Variants in SNPH observed in about 807,000 individuals in gnomAD.
SNPH encodes the protein syntaphilin.
In SNPH, 10 loss-of-function variants were observed where a neutral mutation model predicts 36.8. The observed-to-expected ratio is 0.27, with a 90% CI of 0.17 to 0.46. SNPH has a LOEUF of 0.46. Among genes scored for constraint, SNPH ranks in the 20% least tolerant of loss-of-function variants. The probability of loss-of-function intolerance (pLI) is 1.00; values close to 1 mark genes in which losing one functional copy is unlikely to be tolerated. For synonymous variants in SNPH, 281 were observed against 312.2 expected (o/e 0.90, Z 1.05); for missense variants, 622 against 744.0 (o/e 0.84, Z 1.91).
intron 2 of SNPH, among the ~76,000 whole-genome samples, chr20:1,272,359 AGTT>A (rs1229340210): frequency 6.6e-6 from 1 of 152,246 alleles, no homozygotes; most frequent in Non-Finnish European, 1.5e-5. Flanking sequence ...TGTCAAATGT[AGTT>A]GTCTACAAAG....
intron 2 of SNPH, among the ~76,000 whole-genome samples, chr20:1,287,974 A>G (rs961921811): frequency 1.3e-5 from 2 of 152,120 alleles, no homozygotes; most frequent in African/African-American, 4.8e-5. Context: ...ACATTTCTCC[A>G]TGGGTGTCTG....
chr20:1,300,249 T>C (rs756417315), intron 5 of SNPH, among the ~76,000 whole-genome samples: 3 of 152,180 alleles, frequency 2.0e-5, no homozygotes, highest in African/African-American at 7.2e-5. Context: ...GCTATAAGGA[T>C]TGATGGCGTT....
At position 1,306,168 on chromosome 20, in the gene SNPH, C is replaced by A. The variant is rs2088577242; in HGVS notation, c.*114C>A. On this transcript the variant is annotated 3_prime_UTR_variant, in exon 7 of 7. Coordinates refer to ENST00000381867, the MANE Select transcript of SNPH (RefSeq NM_001318234.2). ...TATTTATTTAGTTTTGGGTGTGGAA[C>A]TGTTTCTTTTTTTCAAGATGTTAAA... 8 of 938,910 alleles carry A rather than the reference C, an allele frequency of 8.5e-6. No homozygotes were observed. Among genetic ancestry groups the A allele is most frequent in the Non-Finnish European group, 2.9e-6 (2 of 681,860 alleles). 58.2% of individuals were successfully genotyped at this position (938,910 alleles called of 1,614,324 possible).
At position 1,285,743 on chromosome 20, in the gene SNPH, G is replaced by C. The variant is rs540088064; in HGVS notation, c.-492-9208G>C. 9.2e-5 allele frequency among the ~76,000 whole-genome samples: 14 copies of C among 152,150 alleles called. No homozygotes were observed. The highest frequency in any genetic ancestry group is 1.8e-4 in the Non-Finnish European group (12 of 68,036). On this transcript the variant is annotated intron_variant, in intron 2 of 6. Coordinates refer to ENST00000381867, the MANE Select transcript of SNPH (RefSeq NM_001318234.2). The surrounding 1 kb of genome is among the most constrained non-coding windows in gnomAD (Gnocchi z 4.9). The stretch of plus-strand genomic sequence containing the variant: ...TTCAGTTACATTTGATGTTCAAGCC[G>C]TGGTTTCTTTCTGTCGGGTTAGTCT...
intron 2 of SNPH, among the ~76,000 whole-genome samples, chr20:1,275,244 T>C (rs2088118040): frequency 6.6e-6 from 1 of 152,198 alleles, no homozygotes; most frequent in African/African-American, 2.4e-5. Flanking sequence ...CATTTTCTCA[T>C]CTGCCAAAGA....
intron 2 of SNPH, among the ~76,000 whole-genome samples, chr20:1,288,619 C>CTTTTTTTT (rs201764007): frequency 2.8e-5 from 4 of 140,782 alleles, no homozygotes; most frequent in African/African-American, 2.6e-5. Context: ...ATTTCTTTTT[C>CTTTTTTTT]TTTTTTTCTT....
chr20:1,288,547 C>T (rs757445828), intron 2 of SNPH, among the ~76,000 whole-genome samples: 3 of 152,104 alleles, frequency 2.0e-5, no homozygotes, highest in Middle Eastern at 3.5e-3. Flanking sequence ...TCTCCTTTGC[C>T]TGCGAGGCTG....
intron 5 of SNPH, among the ~76,000 whole-genome samples, chr20:1,298,616 A>C (rs1568548896): frequency 6.6e-6 from 1 of 152,196 alleles, no homozygotes; most frequent in Non-Finnish European, 1.5e-5. Flanking sequence ...TCGTAACTGC[A>C]GCCCATGGAG....
At position 1,308,686 on chromosome 20, in the gene SNPH, C is replaced by T. The variant is rs2088614935; in HGVS notation, c.*2632C>T. On this transcript the variant is annotated 3_prime_UTR_variant, in exon 7 of 7. Transcript: ENST00000381867. ...GACCCTTTTCCTTCCTGCCTAATAC[C>T]TCCTCCCGTTGGGCTGTGACTTTTC... 3 of 152,710 alleles carry T rather than the reference C, an allele frequency of 2.0e-5. No individual in the cohort carries two copies. Among genetic ancestry groups the T allele is most frequent in the Non-Finnish European group, 4.4e-5 (3 of 68,320 alleles). 9.5% of individuals were successfully genotyped at this position (152,710 alleles called of 1,614,324 possible).
rs777738406 is a variant in SNPH at position 1,304,962 on chromosome 20, C to T, written c.525C>T (p.Ala175=). Residue 175 remains alanine, a synonymous_variant, in exon 7 of 7, where the codon GCC becomes GCT. Transcript: ENST00000381867. This position sits in a 1 kb window ranked among gnomAD's most constrained non-coding sequence, Gnocchi z 4.3. ...AGGAGGAGTGCCACCGCGTGGAGGC[C>T]CAGCTGGCCCTGAAGGAGGCCCGAA... The part of the protein sequence containing the change: ...WIEEECHRVE[A]QLALKEARKE... 8.1e-6 allele frequency: 13 copies of T among 1,613,742 alleles called. No homozygotes were observed. The highest frequency in any genetic ancestry group is 1.0e-5 in the Non-Finnish European group (12 of 1,180,036).
At chr20:1,268,736 G>T (rs2088038468) in intron 2 of SNPH, among the ~76,000 whole-genome samples, 1 of 151,790 alleles carries the variant, frequency 6.6e-6, no homozygotes, top group Admixed American at 6.6e-5. Context: ...AAACAAACTT[G>T]AGGAAATTAT....
At chr20:1,300,485 C>T in intron 5 of SNPH, 77 bp from the exon 6 acceptor site, 1 of 1,540,378 alleles carries the variant, frequency 6.5e-7, no homozygotes, top group South Asian at 1.1e-5. Flanking sequence ...CTGGTGTCCC[C>T]TTGCTCCCCA....
chr20:1,301,528 C>T (rs2088510575), intron 6 of SNPH, among the ~76,000 whole-genome samples: 1 of 151,496 alleles, frequency 6.6e-6, no homozygotes, highest in Non-Finnish European at 1.5e-5. Flanking sequence ...AATACAGCAG[C>T]TTTATTGCAA....
chr20:1,275,270 T>C (rs758354147), intron 2 of SNPH, among the ~76,000 whole-genome samples: 3 of 152,202 alleles, frequency 2.0e-5, no homozygotes, highest in Non-Finnish European at 4.4e-5. Flanking sequence ...CGATTATTCC[T>C]GCCTGAGAGG....
chr20:1,286,089 T>TAAAAAAAA (rs11475556), intron 2 of SNPH, among the ~76,000 whole-genome samples: 1 of 100,524 alleles, frequency 9.9e-6, no homozygotes, highest in Admixed American at 1.2e-4. Context: ...GACTCCATCT[T>TAAAAAAAA]AAAAAAAAAA....
Position 1,309,002 on chromosome 20 carries a change from C to G in SNPH, c.*2948C>G, listed in dbSNP as rs1431213967. On this transcript the variant is annotated 3_prime_UTR_variant, in exon 7 of 7. Coordinates refer to ENST00000381867, the MANE Select transcript of SNPH (RefSeq NM_001318234.2). Reference sequence around the variant, plus strand: ...CCCAAGGGGATCACTTAGCTTCTCACTGACACACCCTTCCCAATTGCCACA... The same window carrying G: ...CCCAAGGGGATCACTTAGCTTCTCAGTGACACACCCTTCCCAATTGCCACA... 1 of 152,298 alleles carries G rather than the reference C, an allele frequency of 6.6e-6. No individual in the cohort carries two copies. Among genetic ancestry groups the G allele is most frequent in the Non-Finnish European group, 1.5e-5 (1 of 68,084 alleles). The allele number at this position is 152,298 out of a possible 1,614,324, so 9.4% of individuals were successfully genotyped here.
chr20:1,293,633 C>T (rs2088391080), intron 2 of SNPH, among the ~76,000 whole-genome samples: 1 of 152,182 alleles, frequency 6.6e-6, no homozygotes, highest in African/African-American at 2.4e-5. Flanking sequence ...TGGGTGGCTT[C>T]TGCCCTCCCA....
chr20:1,283,774 AG>A (rs1445828135), intron 2 of SNPH, among the ~76,000 whole-genome samples: 1 of 152,118 alleles, frequency 6.6e-6, no homozygotes, highest in African/African-American at 2.4e-5. Flanking sequence ...AACACTTGCT[AG>A]GGCCAGTGCT....
chr20:1,296,369 C>G lies in SNPH; in HGVS notation c.130C>G (p.Leu44Val). 1 of 1,603,346 alleles carries G rather than the reference C, an allele frequency of 6.2e-7. No individual in the cohort carries two copies. ...CCCACCCCTTACTCGGACCCACAGC[C>G]TCATGGCCATGTCCCTGCCAGGAAG... is the stretch of plus-strand genomic sequence containing the variant. ...PIPPLTRTHSLMAMSLPGSRR... is the reference protein window; with the variant it reads ...PIPPLTRTHSVMAMSLPGSRR... Residue 44 changes from leucine to valine, a missense_variant, in exon 4 of 7, where the codon CTC becomes GTC. By Grantham distance (32) the Leu-to-Val change is conservative. Around this residue, in one of 3 missense-constraint regions of SNPH, gnomAD observed 187 missense variants for 209.4 expected, o/e 0.89. Coordinates refer to ENST00000381867, the MANE Select transcript of SNPH (RefSeq NM_001318234.2).
Sources: gnomAD v4.1 joint callset for allele counts (sites outside exome capture counted in the v4.1 genomes callset) on GRCh38, gnomAD v4.1.1 for gene constraint, gnomAD v4.1.1 regional missense constraint, Gnocchi (gnomAD v3.1) non-coding constraint, MANE v1.5 for transcripts, NCBI Gene and HGNC (gene_info 2026-07-23, HGNC 2026-07-21) for gene names.